Variants in COL13A1 observed in about 807,000 individuals in gnomAD.
COL13A1 encodes collagen type XIII alpha 1 chain.
COL13A1 carries 89 observed loss-of-function variants against 130.9 expected under a neutral mutation model. The ratio of observed to expected loss-of-function variants is 0.68; its 90% CI spans 0.57 to 0.81. The LOEUF (loss-of-function observed/expected upper bound fraction) is 0.81, where lower values mean the gene tolerates loss of function less well. COL13A1 is among the 30% of genes least tolerant of loss of function. COL13A1 has a pLI of 0.00. For missense variants in COL13A1, 879 were observed against 934.6 expected, an observed-to-expected ratio of 0.94 and a Z score of 0.78; for synonymous variants, 402 against 341.6, an observed-to-expected ratio of 1.18 and a Z score of -1.95.
At chr10:69,900,930 A>G (rs995089366) in intron 14 of COL13A1, among the ~76,000 whole-genome samples, 2 of 152,204 alleles carry the variant, frequency 1.3e-5, no homozygotes, top group African/African-American at 4.8e-5. Context: ...AGAATTTCAC[A>G]GCCAGAAAGG....
rs76773585 is a variant in COL13A1 at position 69,860,849 on chromosome 10, C to G, written c.365-6949C>G. 1,319 of 166,258 alleles carry G rather than the reference C, an allele frequency of 7.9e-3. 45 individuals carry two copies. Among genetic ancestry groups the G allele is most frequent in the Admixed American group, 0.072 (1,106 of 15,340 alleles). The allele number at this position is 166,258 out of a possible 1,614,324, so 10.3% of individuals were successfully genotyped here. On this transcript the variant is annotated intron_variant, in intron 2 of 40. Coordinates refer to ENST00000645393, the MANE Select transcript of COL13A1 (RefSeq NM_001368882.1). Reference sequence around the variant, plus strand: ...CCTCTGCCTGCTCAAACTGTCTCACCAGAGCCATCTCCACGAGGGCTCCAG... The same window carrying G: ...CCTCTGCCTGCTCAAACTGTCTCACGAGAGCCATCTCCACGAGGGCTCCAG...
intron 17 of COL13A1, among the ~76,000 whole-genome samples, chr10:69,906,679 T>G (rs1413292150): frequency 6.6e-6 from 1 of 152,152 alleles, no homozygotes; most frequent in Non-Finnish European, 1.5e-5. Context: ...ACTTCTTCAC[T>G]GGAGGAGTAG....
At chr10:69,922,867 C>G in intron 23 of COL13A1, 73 bp downstream of exon 23, 1 of 1,027,226 alleles carries the variant, frequency 9.7e-7, no homozygotes, top group South Asian at 1.8e-5. Context: ...TTCTCGGGGA[C>G]TCTACGTCCC....
chr10:69,920,179 G>A (rs2064454475), intron 21 of COL13A1, among the ~76,000 whole-genome samples: 1 of 152,190 alleles, frequency 6.6e-6, no homozygotes, highest in African/African-American at 2.4e-5. Flanking sequence ...GCTACCCTGG[G>A]GCAGGTGCCA....
chr10:69,926,025 T>C, intron 26 of COL13A1, 153 bp downstream of exon 26: 1 of 624,272 alleles, frequency 1.6e-6, no homozygotes, highest in Admixed American at 2.7e-5. Context: ...TCGCTTTCTC[T>C]CCTTTGACCT....
intron 34 of COL13A1, among the ~76,000 whole-genome samples, chr10:69,938,937 T>C (rs1179402410): frequency 6.6e-6 from 1 of 152,168 alleles, no homozygotes; most frequent in Non-Finnish European, 1.5e-5. Flanking sequence ...TCCACATTCA[T>C]GGCCCCAACG....
chr10:69,949,928 G>T (rs542895916), intron 38 of COL13A1, among the ~76,000 whole-genome samples: 1 of 143,502 alleles, frequency 7.0e-6, no homozygotes, highest in East Asian at 2.1e-4. Context: ...GTGCACGCAT[G>T]TTTGTGTGTG....
chr10:69,897,220 GTTTA>G (rs1266713579), intron 13 of COL13A1, among the ~76,000 whole-genome samples: 1 of 152,304 alleles, frequency 6.6e-6, no homozygotes, highest in East Asian at 1.9e-4. Flanking sequence ...GGCAGACCAA[GTTTA>G]TTTAGAAGAG....
At chr10:69,861,425 C>T (rs1325684577) in intron 2 of COL13A1, among the ~76,000 whole-genome samples, 3 of 152,144 alleles carry the variant, frequency 2.0e-5, no homozygotes, top group Non-Finnish European at 2.9e-5. Context: ...CTTCCTTGCT[C>T]GTACATTCCA....
intron 13 of COL13A1, among the ~76,000 whole-genome samples, chr10:69,898,140 T>G (rs1004150262): frequency 2.6e-5 from 4 of 152,180 alleles, no homozygotes; most frequent in South Asian, 4.1e-4. Context: ...CCAGATGCGC[T>G]GACACCAGCC....
chr10:69,943,103 C>T (rs2067898760), intron 35 of COL13A1, among the ~76,000 whole-genome samples: 1 of 152,222 alleles, frequency 6.6e-6, no homozygotes, highest in East Asian at 1.9e-4. Context: ...CCGCCTCGGC[C>T]TCCCAAAGTG....
At chr10:69,829,073 C>A (rs570754461) in intron 2 of COL13A1, among the ~76,000 whole-genome samples, 2 of 152,172 alleles carry the variant, frequency 1.3e-5, no homozygotes, top group African/African-American at 4.8e-5. Context: ...ACCTTCCCCC[C>A]ACCTGGCCCT....
intron 5 of COL13A1, among the ~76,000 whole-genome samples, chr10:69,876,959 G>A (rs1195092078): frequency 2.0e-5 from 3 of 152,152 alleles, no homozygotes; most frequent in Non-Finnish European, 2.9e-5. Flanking sequence ...CTCCTTCTTG[G>A]GCCCTGTGGA....
intron 1 of COL13A1, among the ~76,000 whole-genome samples, chr10:69,812,250 T>A (rs1843251730): frequency 6.6e-6 from 1 of 152,170 alleles, no homozygotes; most frequent in African/African-American, 2.4e-5. Flanking sequence ...TCCAGCTACA[T>A]GGTGGCACGC....
chr10:69,809,424 A>G (rs1842399532), intron 1 of COL13A1, among the ~76,000 whole-genome samples: 1 of 152,244 alleles, frequency 6.6e-6, no homozygotes, highest in African/African-American at 2.4e-5. Context: ...CTTTACATCT[A>G]TTGATTCACT....
Position 69,939,101 on chromosome 10 carries a change from TA to T in COL13A1, c.1878+1387del, listed in dbSNP as rs2067298590. 4.6e-5 allele frequency among the ~76,000 whole-genome samples: 7 copies of T among 152,340 alleles called. No homozygotes were observed. In the South Asian group the frequency reaches 1.4e-3, roughly 32 times the overall value. ...TTCTCACTTTTGATAGAGGCATGGG[TA>T]CAGAGAAGTATTTTTTTTTAGTTTA... On this transcript the variant is annotated intron_variant, in intron 34 of 40. Coordinates refer to ENST00000645393, the MANE Select transcript of COL13A1 (RefSeq NM_001368882.1).
intron 35 of COL13A1, 34 bp downstream of exon 35, chr10:69,941,057 C>A: frequency 6.2e-7 from 1 of 1,613,672 alleles, no homozygotes. Flanking sequence ...CCTCACCCCA[C>A]TCCACTCCAC....
At chr10:69,880,663 G>A (rs142025950) in intron 7 of COL13A1, 110 bp downstream of exon 7, 5 of 1,156,448 alleles carry the variant, frequency 4.3e-6, no homozygotes, top group African/African-American at 1.5e-5. Flanking sequence ...CCCCTGGGTG[G>A]GGAGGCCACC....
At chr10:69,825,084 AT>A (rs1847153234) in intron 2 of COL13A1, among the ~76,000 whole-genome samples, 3 of 152,216 alleles carry the variant, frequency 2.0e-5, no homozygotes, top group African/African-American at 4.8e-5. Flanking sequence ...ATTATAAATA[AT>A]AGCAGTTACT....
Sources: gnomAD v4.1 joint callset for allele counts (sites outside exome capture counted in the v4.1 genomes callset) on GRCh38, gnomAD v4.1.1 for gene constraint, MANE v1.5 for transcripts, NCBI Gene and HGNC (gene_info 2026-07-23, HGNC 2026-07-21) for gene names.